ADARB2: variants seen among roughly 807,000 people sequenced by gnomAD.
ADARB2 encodes the protein inactive double-stranded RNA-specific editase B2.
In ADARB2, 25 loss-of-function variants were observed where a neutral mutation model predicts 62.2. The ratio of observed to expected loss-of-function variants is 0.40; its 90% CI spans 0.29 to 0.56. The LOEUF is 0.56. Among genes scored for constraint, ADARB2 ranks in the 20% least tolerant of loss-of-function variants. The pLI is 0.43. For missense variants in ADARB2, 1,071 were observed against 1,077.4 expected, an observed-to-expected ratio of 0.99 and a Z score of 0.08; for synonymous variants, 572 against 500.8, an observed-to-expected ratio of 1.14 and a Z score of -1.90.
rs138448178 is a variant in ADARB2, at chr10:1,540,204, G to C, written c.101-161044C>G. On this transcript the variant is annotated intron_variant, in intron 1 of 9. Coordinates refer to ENST00000381312, the MANE Select transcript of ADARB2 (RefSeq NM_018702.4). ...CGTTCTTGGCTGACACATGTGTTTT[G>C]GTCCCTAAAGGGCAGCCCGTGGGTC... is the stretch of plus-strand genomic sequence containing the variant. Among the ~76,000 whole-genome samples, 638 of 151,834 alleles carry C rather than the reference G, an allele frequency of 4.2e-3. 9 individuals are homozygous for C. Among genetic ancestry groups the C allele is most frequent in the African/African-American group, 0.015 (615 of 41,392 alleles).
At chr10:1,291,125 T>G (rs1831462158) in intron 3 of ADARB2, 1 of 152,214 alleles carries the variant, frequency 6.6e-6, no homozygotes. Context: ...GAAAGTAATA[T>G]TTACTTCCCA....
chr10:1,536,870 C>T (rs1316025397), intron 1 of ADARB2, among the ~76,000 whole-genome samples: 1 of 152,138 alleles, frequency 6.6e-6, no homozygotes, highest in Non-Finnish European at 1.5e-5. Flanking sequence ...TAGAAGAAAA[C>T]CTAGGCAATG....
intron 1 of ADARB2, among the ~76,000 whole-genome samples, chr10:1,686,984 C>A (rs547620168): frequency 7.7e-4 from 116 of 150,744 alleles, no homozygotes; most frequent in Non-Finnish European, 1.4e-3. Flanking sequence ...AGTCAGCACA[C>A]TGAGAGCCTG....
At chr10:1,325,451 T>C (rs116083780) in intron 3 of ADARB2, among the ~76,000 whole-genome samples, 107 of 152,314 alleles carry the variant, frequency 7.0e-4, no homozygotes, top group African/African-American at 2.5e-3. Flanking sequence ...ACTGGATAAT[T>C]CTGATGTTTT....
chr10:1,508,014 A>T (rs1488469371), intron 1 of ADARB2, among the ~76,000 whole-genome samples: 1 of 152,144 alleles, frequency 6.6e-6, no homozygotes, highest in Non-Finnish European at 1.5e-5. Flanking sequence ...CGACTGTGTG[A>T]CCTTGGGGAA....
chr10:1,183,181 G>A lies in ADARB2; in HGVS notation c.*12C>T, dbSNP rs1836703420. ...GCGTCCCGCTCAGCTCCAGCAGCCA[G>A]GAGCCCGCAGCCTAGAGAGTCAGTA... On this transcript the variant is annotated 3_prime_UTR_variant, in exon 10 of 10. Coordinates refer to ENST00000381312, the MANE Select transcript of ADARB2 (RefSeq NM_018702.4). 2 of 1,610,496 alleles carry A rather than the reference G, an allele frequency of 1.2e-6. No homozygotes were observed. Among genetic ancestry groups the A allele is most frequent in the African/African-American group, 2.7e-5 (2 of 74,880 alleles).
chr10:1,471,176 C>T (rs984676406), intron 1 of ADARB2, among the ~76,000 whole-genome samples: 9 of 152,180 alleles, frequency 5.9e-5, no homozygotes, highest in African/African-American at 2.2e-4. Context: ...CTCACGATTC[C>T]ACAAAGGATT....
At chr10:1,604,385 G>C (rs1039210777) in intron 1 of ADARB2, among the ~76,000 whole-genome samples, 1 of 152,134 alleles carries the variant, frequency 6.6e-6, no homozygotes, top group East Asian at 1.9e-4. Flanking sequence ...TGTTGAAGGC[G>C]TGGGTGTGGC....
At chr10:1,240,260 CGGTGTTT>C (rs2131775359) in intron 5 of ADARB2, 2 of 113,002 alleles carry the variant, frequency 1.8e-5, no homozygotes, top group African/African-American at 6.7e-5. Context: ...CTCTGCCTCC[CGGTGTTT>C]ACTCCCCTCT....
chr10:1,478,320 C>T (rs368170361), intron 1 of ADARB2, among the ~76,000 whole-genome samples: 32 of 152,278 alleles, frequency 2.1e-4, no homozygotes, highest in East Asian at 9.6e-4. Flanking sequence ...CTCAACCTGG[C>T]GTTGGCACAC....
Position 1,303,512 on chromosome 10 carries a change from C to T in ADARB2, c.1078-32443G>A, listed in dbSNP as rs987722085. Among the ~76,000 whole-genome samples the T allele has an allele frequency of 1.4e-4, 22 of 152,178 alleles. 1 individual carries two copies. The East Asian group carries it at 1.7e-3, about 12-fold the overall frequency. ...AGCAAGGCAGGCCAACGTTCAGATT[C>T]GGGAAATACAGAGAATGCCACAAAG... On this transcript the variant is annotated intron_variant, in intron 3 of 9. Transcript: ENST00000381312.
chr10:1,549,685 T>TAGGCCAAACCCAC (rs1434792935), intron 1 of ADARB2, among the ~76,000 whole-genome samples: 80 of 152,056 alleles, frequency 5.3e-4, no homozygotes, highest in Middle Eastern at 3.4e-3. Flanking sequence ...TGTCACAGAG[T>TAGGCCAAACCCAC]TGGCCAAACC....
In ADARB2 at chr10:1,430,589, C is replaced by T. The variant is rs1022343856; in HGVS notation, c.101-51429G>A. Among the ~76,000 whole-genome samples, 4 of 152,022 alleles carry T rather than the reference C, an allele frequency of 2.6e-5. 1 individual carries two copies. The highest frequency in any genetic ancestry group is 7.2e-5 in the African/African-American group (3 of 41,402). On this transcript the variant is annotated intron_variant, in intron 1 of 9. Coordinates refer to ENST00000381312, the MANE Select transcript of ADARB2 (RefSeq NM_018702.4). ...ACTGTATAAGTAGTAATTAAAAAAT[C>T]AGTAGCCAGGTGTGGCGGCATGCAT...
intron 3 of ADARB2, among the ~76,000 whole-genome samples, chr10:1,335,966 T>C (rs188149871): frequency 6.6e-6 from 1 of 152,382 alleles, no homozygotes; most frequent in East Asian, 1.9e-4. Flanking sequence ...AATTTGACCA[T>C]GCATAGCATG....
intron 1 of ADARB2, among the ~76,000 whole-genome samples, chr10:1,572,809 C>T (rs1832958736): frequency 6.6e-6 from 1 of 152,208 alleles, no homozygotes; most frequent in Admixed American, 6.5e-5. Context: ...CCAGGACTTC[C>T]CCTGCGTGGA....
At chr10:1,441,494 AAAT>A (rs1382331799) in intron 1 of ADARB2, among the ~76,000 whole-genome samples, 1 of 152,246 alleles carries the variant, frequency 6.6e-6, no homozygotes, top group Non-Finnish European at 1.5e-5. Flanking sequence ...ACTCAATAAT[AAAT>A]AATAACAGTT....
In ADARB2 at chr10:1,326,998, C is replaced by T. The variant is rs1262499039; in HGVS notation, c.1077+36030G>A. 3.7e-4 allele frequency among the ~76,000 whole-genome samples: 11 copies of T among 29,682 alleles called. 2 individuals carry two copies. Among genetic ancestry groups the T allele is most frequent in the African/African-American group, 3.6e-4 (3 of 8,362 alleles). The allele number at this position is 29,682 out of a possible 152,430, so 19.5% of individuals were successfully genotyped here. On this transcript the variant is annotated intron_variant, in intron 3 of 9. Coordinates refer to ENST00000381312, the MANE Select transcript of ADARB2 (RefSeq NM_018702.4). ...CGCCTCCCCACGGCCCAGCGCCTCCCCACTGCCCAGCGCCTCCCCACGGCA... is the reference window on the plus strand; with the variant it reads ...CGCCTCCCCACGGCCCAGCGCCTCCTCACTGCCCAGCGCCTCCCCACGGCA...
At chr10:1,418,264 T>C (rs1832821967) in intron 1 of ADARB2, among the ~76,000 whole-genome samples, 1 of 152,220 alleles carries the variant, frequency 6.6e-6, no homozygotes, top group African/African-American at 2.4e-5. Context: ...AAGTCGGCTA[T>C]GAGCACCCCT....
Position 1,352,702 on chromosome 10 carries a change from G to A in ADARB2, c.1077+10326C>T, listed in dbSNP as rs543251225. On this transcript the variant is annotated intron_variant, in intron 3 of 9. Coordinates refer to ENST00000381312, the MANE Select transcript of ADARB2 (RefSeq NM_018702.4). The stretch of plus-strand genomic sequence containing the variant: ...ATCTACTTTCTTCCTCATACCTGAC[G>A]CATATACTTTCTGCTCCCCGGCTTC... Among the ~76,000 whole-genome samples the A allele has an allele frequency of 4.6e-5, 7 of 152,116 alleles. No homozygotes were observed. The East Asian group carries it at 1.2e-3, about 25-fold the overall frequency.
Sources: allele counts gnomAD v4.1 joint callset (sites outside exome capture counted in the v4.1 genomes callset), GRCh38; gene constraint gnomAD v4.1.1; transcripts MANE v1.5; gene names NCBI Gene and HGNC (gene_info 2026-07-23, HGNC 2026-07-21).